FOXP2: variants seen among roughly 807,000 people sequenced by gnomAD.
FOXP2 encodes forkhead box protein P2.
A neutral mutation model predicts 115.8 loss-of-function variants in FOXP2; 12 were observed. The observed-to-expected ratio is 0.10, with a 90% CI of 0.07 to 0.17. FOXP2 has a LOEUF of 0.17. Ranked by LOEUF, FOXP2 falls within the 10% of genes least tolerant of loss-of-function variation. FOXP2 has a pLI of 1.00. For synonymous variants in FOXP2, 328 were observed against 297.7 expected (o/e 1.10, Z -1.05); for missense variants, 629 against 843.5 (o/e 0.75, Z 3.15).
At chr7:114,561,234 A>G (rs1195771702) in intron 3 of FOXP2, 1 of 152,228 alleles carries the variant, frequency 6.6e-6, no homozygotes, top group Admixed American at 6.5e-5. Flanking sequence ...GGCAATATCA[A>G]CAGATTTCGT....
At chr7:114,326,233 A>G (rs923890807) in intron 2 of FOXP2, among the ~76,000 whole-genome samples, 24 of 152,168 alleles carry the variant, frequency 1.6e-4, no homozygotes, top group Admixed American at 1.4e-3. Context: ...GATAGCAAAG[A>G]GTACAAAGTT....
intron 1 of FOXP2, among the ~76,000 whole-genome samples, chr7:114,164,629 C>T (rs902957508): frequency 2.6e-5 from 4 of 152,218 alleles, no homozygotes; most frequent in Non-Finnish European, 2.9e-5. Flanking sequence ...CATAAGCCAC[C>T]GTGCCCGGCC....
intron 3 of FOXP2, among the ~76,000 whole-genome samples, chr7:114,551,776 T>A (rs528276586): frequency 1.3e-5 from 2 of 152,302 alleles, no homozygotes; most frequent in African/African-American, 4.8e-5. Flanking sequence ...GTGGCAGGTA[T>A]TTATTTTTCT....
At chr7:114,131,319 T>C (rs929731442) in intron 1 of FOXP2, among the ~76,000 whole-genome samples, 2 of 152,208 alleles carry the variant, frequency 1.3e-5, no homozygotes, top group Non-Finnish European at 2.9e-5. Flanking sequence ...CCAAGTATTA[T>C]GCTGAGTAAA....
chr7:114,303,625 A>G (rs996693784), intron 2 of FOXP2, among the ~76,000 whole-genome samples: 1 of 152,106 alleles, frequency 6.6e-6, no homozygotes, highest in Non-Finnish European at 1.5e-5. Context: ...CTGTGTTCTT[A>G]ATCTGCTCAC....
chr7:114,382,677 G>A (rs933284023), intron 2 of FOXP2, among the ~76,000 whole-genome samples: 1 of 152,114 alleles, frequency 6.6e-6, no homozygotes, highest in Non-Finnish European at 1.5e-5. Context: ...AAGTTCAATA[G>A]GGTTTCTAAG....
intron 3 of FOXP2, among the ~76,000 whole-genome samples, chr7:114,582,950 A>G (rs893280894): frequency 3.9e-5 from 6 of 152,192 alleles, no homozygotes; most frequent in African/African-American, 1.4e-4. Flanking sequence ...TAACATCTTT[A>G]TATACAAAAA....
chr7:114,669,035 A>C (rs1807342739), intron 16 of FOXP2: 1 of 152,030 alleles, frequency 6.6e-6, no homozygotes, highest in South Asian at 2.1e-4. Flanking sequence ...GGTAGACTAT[A>C]CTTTTTAAGT....
At chr7:114,137,090 A>G (rs1448411150) in intron 1 of FOXP2, among the ~76,000 whole-genome samples, 4 of 152,088 alleles carry the variant, frequency 2.6e-5, no homozygotes, top group Non-Finnish European at 2.9e-5. Flanking sequence ...TCTAAAAATT[A>G]ATGAAATGAC....
intron 2 of FOXP2, among the ~76,000 whole-genome samples, chr7:114,371,049 A>C (rs1288574954): frequency 6.6e-6 from 1 of 152,154 alleles, no homozygotes; most frequent in African/African-American, 2.4e-5. Flanking sequence ...AAATGAAAGA[A>C]TGTTAAATAA....
chr7:114,255,199 C>T (rs1406281249), intron 1 of FOXP2, among the ~76,000 whole-genome samples: 3 of 148 alleles, frequency 0.02, no homozygotes, highest in African/African-American at 0.094. Flanking sequence ...TCAGTCTGCC[C>T]CTACTGGCGA....
chr7:114,479,107 T>C (rs1049995979), intron 2 of FOXP2, among the ~76,000 whole-genome samples: 3 of 151,742 alleles, frequency 2.0e-5, no homozygotes, highest in African/African-American at 7.3e-5. Flanking sequence ...ACCAGGAAAA[T>C]GGACACCAAC....
chr7:114,418,105 G>A (rs1383537838), intron 1 of FOXP2, among the ~76,000 whole-genome samples: 1 of 151,818 alleles, frequency 6.6e-6, no homozygotes, highest in Non-Finnish European at 1.5e-5. Context: ...AAACTCCAGT[G>A]GTTATCTGTT....
At chr7:114,390,023 C>CAAAA (rs11311566) in intron 2 of FOXP2, among the ~76,000 whole-genome samples, 5 of 93,172 alleles carry the variant, frequency 5.4e-5, no homozygotes, top group African/African-American at 8.4e-5. Flanking sequence ...CATTCAGTGT[C>CAAAA]AAAAAAAAAA....
chr7:114,487,240 C>T (rs982443285), intron 2 of FOXP2, among the ~76,000 whole-genome samples: 9 of 152,170 alleles, frequency 5.9e-5, no homozygotes, highest in Admixed American at 5.2e-4. Flanking sequence ...TGGCAGCTGC[C>T]AAGGCTTGGG....
intron 16 of FOXP2, among the ~76,000 whole-genome samples, chr7:114,684,778 G>GA (rs1462612781): frequency 6.6e-6 from 1 of 152,070 alleles, no homozygotes; most frequent in African/African-American, 2.4e-5. Flanking sequence ...AAATGAATAT[G>GA]AACTTTCACA....
intron 3 of FOXP2, among the ~76,000 whole-genome samples, chr7:114,564,749 T>C (rs1800922465): frequency 6.6e-6 from 1 of 151,708 alleles, no homozygotes; most frequent in Non-Finnish European, 1.5e-5. Flanking sequence ...AGCATGGTGG[T>C]ATGCACTTGT....
intron 1 of FOXP2, among the ~76,000 whole-genome samples, chr7:114,187,492 A>G (rs1426407087): frequency 1.3e-5 from 2 of 152,156 alleles, no homozygotes; most frequent in African/African-American, 2.4e-5. Context: ...CCGTATTTCT[A>G]CCAGCATTCT....
At chr7:114,642,795 TATATATATATATATATA>T (rs1373604671) in intron 7 of FOXP2, among the ~76,000 whole-genome samples, 172 bp downstream of exon 7, 5 of 38,600 alleles carry the variant, frequency 1.3e-4, no homozygotes, top group African/African-American at 1.5e-4. Context: ...TATATATATA[TATATATATATATATATA>T]TTTTTTTTTT....
Sources: gnomAD v4.1 joint callset for allele counts (sites outside exome capture counted in the v4.1 genomes callset) on GRCh38, gnomAD v4.1.1 for gene constraint, MANE v1.5 for transcripts, NCBI Gene and HGNC (gene_info 2026-07-23, HGNC 2026-07-21) for gene names.